CDX2: variants seen among roughly 807,000 people sequenced by gnomAD.
CDX2 encodes caudal type homeobox 2.
In CDX2, 7 loss-of-function variants were observed where a neutral mutation model predicts 25.5. The ratio of observed to expected loss-of-function variants is 0.27; its 90% confidence interval spans 0.16 to 0.52. The LOEUF is 0.52. Ranked by LOEUF, CDX2 falls within the 20% of genes least tolerant of loss-of-function variation. The pLI, the probability that CDX2 is intolerant of heterozygous loss-of-function variation, is 0.97. For synonymous variants in CDX2, 222 were observed against 198.6 expected (o/e 1.12, Z -0.99); for missense variants, 375 against 431.4 (o/e 0.87, Z 1.16).
At chr13:27,965,149 G>A (rs1593183336) in intron 1 of CDX2, 134 bp from the exon 2 acceptor site, 7 of 950,052 alleles carry the variant, frequency 7.4e-6, no homozygotes, top group African/African-American at 1.6e-5. Context: ...GCTGGTTCCT[G>A]CCAAGTCTGA....
rs1489768842 is a variant in CDX2 at position 27,961,458 on chromosome 13, C to T, written c.*1657G>A. 6.6e-6 allele frequency among the ~76,000 whole-genome samples: 1 copy of T among 152,142 alleles called. No homozygotes were observed. Among genetic ancestry groups the T allele is most frequent in the Non-Finnish European group, 1.5e-5 (1 of 68,026 alleles). Reference sequence around the variant, plus strand: ...ATCAAAAATTTTAAAGGCTGCAGCCCGGTCCCCAGTGGATCGGCCAGATAA... The same window carrying T: ...ATCAAAAATTTTAAAGGCTGCAGCCTGGTCCCCAGTGGATCGGCCAGATAA... On this transcript the variant is annotated 3_prime_UTR_variant, in exon 3 of 3. Transcript: ENST00000381020.
chr13:27,964,255 C>T lies in CDX2; in HGVS notation c.687+615G>A, dbSNP rs902786819. On this transcript the variant is annotated intron_variant, in intron 2 of 2. Coordinates refer to ENST00000381020, the MANE Select transcript of CDX2 (RefSeq NM_001265.6). The surrounding 1 kb of genome is among the most constrained non-coding windows in gnomAD (Gnocchi z 4.7). The stretch of plus-strand genomic sequence containing the variant: ...TTTCTACTAAAAATACAAAATTAGC[C>T]GGGCGTGGTGGCACATGCCTGTAGT... Among the ~76,000 whole-genome samples the T allele has an allele frequency of 3.3e-5, 5 of 152,256 alleles. No individual in the cohort carries two copies. The highest frequency in any genetic ancestry group is 3.4e-3 in the Middle Eastern group (1 of 294).
Position 27,964,366 on chromosome 13 carries a change from T to C in CDX2, c.687+504A>G, listed in dbSNP as rs566824316. ...GTGAGCTGAGACCGCGCCATTGCAC[T>C]TCAGCCTGCACAACAAGAGTGAAAC... On this transcript the variant is annotated intron_variant, in intron 2 of 2. Coordinates refer to ENST00000381020, the MANE Select transcript of CDX2 (RefSeq NM_001265.6). This position sits in a 1 kb window ranked among gnomAD's most constrained non-coding sequence, Gnocchi z 4.7. Among the ~76,000 whole-genome samples the C allele has an allele frequency of 6.6e-6, 1 of 151,966 alleles. No individual in the cohort carries two copies. Among genetic ancestry groups the C allele is most frequent in the South Asian group, 2.1e-4 (1 of 4,800 alleles).
intron 1 of CDX2, among the ~76,000 whole-genome samples, chr13:27,966,518 G>A (rs1869334300): frequency 6.6e-6 from 1 of 152,212 alleles, no homozygotes; most frequent in African/African-American, 2.4e-5. Context: ...GGACACCTCC[G>A]GAGCTGAGGC....
In CDX2 at chr13:27,964,708, TAAAAAA is replaced by T. The variant is rs55820742; in HGVS notation, c.687+156_687+161del. ...CACAAAGCAAGACCCCATCTCTGTT[TAAAAAA>T]AAAAAAAAAAAAAAAAAGGACTCCA... On this transcript the variant is annotated intron_variant, in intron 2 of 2. Transcript: ENST00000381020. This position sits in a 1 kb window ranked among gnomAD's most constrained non-coding sequence, Gnocchi z 4.7. 5.5e-5 allele frequency among the ~76,000 whole-genome samples: 7 copies of T among 127,062 alleles called. No homozygotes were observed. Among genetic ancestry groups the T allele is most frequent in the Non-Finnish European group, 4.9e-5 (3 of 61,300 alleles). 83.4% of individuals were successfully genotyped at this position (127,062 alleles called of 152,430 possible).
Position 27,963,004 on chromosome 13 carries a change from A to G in CDX2, c.*111T>C. 7.8e-7 allele frequency: 1 copy of G among 1,281,016 alleles called. No homozygotes were observed. The allele number at this position is 1,281,016 out of a possible 1,614,324, so 79.4% of individuals were successfully genotyped here. ...TTTTTCCTCTGAGAGCCAGGTCTGT[A>G]GGTCTATGGCTGTGGGTGGGAGGGG... On this transcript the variant is annotated 3_prime_UTR_variant, in exon 3 of 3. Coordinates refer to ENST00000381020, the MANE Select transcript of CDX2 (RefSeq NM_001265.6).
Position 27,964,839 on chromosome 13 carries a change from GC to G in CDX2, c.687+30del, listed in dbSNP as rs1312854798. ...TCTCATGGTCCTCTGCCAGGCAGTG[GC>G]CCGCCCGGAGGGAGCTAGGCGGTCC... On this transcript the variant is annotated intron_variant, in intron 2 of 2. Transcript: ENST00000381020. The surrounding 1 kb of genome is among the most constrained non-coding windows in gnomAD (Gnocchi z 4.7). 1.9e-6 allele frequency: 3 copies of G among 1,610,346 alleles called. No individual in the cohort carries two copies. The highest frequency in any genetic ancestry group is 3.6e-4 in the Middle Eastern group (2 of 5,630).
At position 27,964,903 on chromosome 13, in the gene CDX2, C is replaced by T. The variant is rs1869238377; in HGVS notation, c.654G>A (p.Glu218=). 1 of 1,614,082 alleles carries T rather than the reference C, an allele frequency of 6.2e-7. No individual in the cohort carries two copies. Residue 218 remains glutamate, a synonymous_variant, in exon 2 of 3, where the codon GAG becomes GAA. Transcript: ENST00000381020. The surrounding 1 kb of genome is among the most constrained non-coding windows in gnomAD (Gnocchi z 4.7). ...CAGAGAGCCCCAGCGTGGCGGCTAG[C>T]TCGGCTTTCCTCCGGATGGTGATGT... ...SRYITIRRKA[E]LAATLGLSER... is the part of the protein sequence containing the mutation.
chr13:27,967,977 C>A (rs948454847), intron 1 of CDX2, among the ~76,000 whole-genome samples: 1 of 152,160 alleles, frequency 6.6e-6, no homozygotes, highest in African/African-American at 2.4e-5. Context: ...AGCCATCCTC[C>A]GACCCCCCCA....
rs546556192 is a variant in CDX2, at chr13:27,968,768, T to C, written c.239A>G (p.Tyr80Cys). The C allele has an allele frequency of 6.0e-6, 9 of 1,508,382 alleles. No individual in the cohort carries two copies. Among genetic ancestry groups the C allele is most frequent in the Non-Finnish European group, 7.9e-6 (9 of 1,134,752 alleles). 93.4% of individuals were successfully genotyped at this position (1,508,382 alleles called of 1,614,324 possible). The part of the protein sequence containing the change: ...GAPLREDWNG[Y>C]APGGAAAAAN... ...GGCGGCCGCGGCGCCTCCGGGCGCG[T>C]AGCCATTCCAGTCCTCCCGGAGTGG... Residue 80 changes from tyrosine to cysteine, a missense_variant, in exon 1 of 3, where the codon TAC becomes TGC. Around this residue, in one of 3 missense-constraint regions of CDX2, gnomAD observed 253 missense variants for 247.5 expected, o/e 1.02. Transcript: ENST00000381020.
rs975106537 is a variant in CDX2 at position 27,968,955 on chromosome 13, C to T, written c.52G>A (p.Val18Met). The change falls in exon 1 of 3, where the codon GTG (valine) becomes ATG (methionine). Residue 18 changes from valine to methionine, a missense_variant. By Grantham distance (21) the Val-to-Met change is conservative. Around this residue, in one of 3 missense-constraint regions of CDX2, gnomAD observed 253 missense variants for 247.5 expected, o/e 1.02. Coordinates refer to ENST00000381020, the MANE Select transcript of CDX2 (RefSeq NM_001265.6). ...AGGTTGAGGCCGCCAGAGTGGCGCA[C>T]GGAGCTAGGGTACATGCTCACGTCC... ...DKDVSMYPSS[V>M]RHSGGLNLAP... The T allele has an allele frequency of 1.2e-6, 2 of 1,607,280 alleles. No homozygotes were observed. The highest frequency in any genetic ancestry group is 8.5e-7 in the Non-Finnish European group (1 of 1,179,330).
At chr13:27,966,920 C>T (rs1359936236) in intron 1 of CDX2, among the ~76,000 whole-genome samples, 4 of 151,942 alleles carry the variant, frequency 2.6e-5, no homozygotes, top group Admixed American at 6.5e-5. Context: ...GGCTCCGGCC[C>T]GCGGGCTGCG....
Position 27,968,688 on chromosome 13 carries a change from A to G in CDX2, c.319T>C (p.Tyr107His), listed in dbSNP as rs914501213. The change falls in exon 1 of 3, where the codon TAC (tyrosine) becomes CAC (histidine). Residue 107 changes from tyrosine to histidine, a missense_variant. Physicochemically the swap from Tyr to His is moderately conservative, Grantham distance 83. Around this residue, in one of 3 missense-constraint regions of CDX2, gnomAD observed 253 missense variants for 247.5 expected, o/e 1.02. Transcript: ENST00000381020. ...NGGSPAAAMG[Y>H]SSPADYHPHH... ...GGATGGTAGTCTGCGGGGCTGCTGT[A>G]GCCCATGGCTGCGGCCGGGGAGCCA... is the stretch of plus-strand genomic sequence containing the variant. 1.3e-6 allele frequency: 2 copies of G among 1,532,990 alleles called. No homozygotes were observed. The highest frequency in any genetic ancestry group is 2.8e-5 in the African/African-American group (2 of 71,816). The allele number at this position is 1,532,990 out of a possible 1,614,324, so 95.0% of individuals were successfully genotyped here. A position where few individuals can be genotyped will look rare whatever the true frequency, so the allele number is the denominator to read the frequency against.
At position 27,969,137 on chromosome 13, in the gene CDX2, G is replaced by A; in HGVS notation, c.-131C>T. The A allele has an allele frequency of 1.6e-6, 1 of 614,078 alleles. No homozygotes were observed. 38.0% of individuals were successfully genotyped at this position (614,078 alleles called of 1,614,324 possible). A position where few individuals can be genotyped will look rare whatever the true frequency, so the allele number is the denominator to read the frequency against. ...GGGTGGCTGCGCCCCAGCCCGCGGT[G>A]CTCCGCTGGCTCCTCGCGGCTCTTC... On this transcript the variant is annotated 5_prime_UTR_variant, in exon 1 of 3. Transcript: ENST00000381020.
rs909481076 is a variant in CDX2 at position 27,961,929 on chromosome 13, C to T, written c.*1186G>A. Among the ~76,000 whole-genome samples the T allele has an allele frequency of 2.6e-5, 4 of 152,074 alleles. No homozygotes were observed. The highest frequency in any genetic ancestry group is 6.5e-5 in the Admixed American group (1 of 15,282). ...GGCACCCCCAGGAGAGCCACGCATT[C>T]CAAGGCTGGGCTCAGGCTTGGGGGC... On this transcript the variant is annotated 3_prime_UTR_variant, in exon 3 of 3. Coordinates refer to ENST00000381020, the MANE Select transcript of CDX2 (RefSeq NM_001265.6).
At position 27,961,219 on chromosome 13, in the gene CDX2, A is replaced by T. The variant is rs1217161126; in HGVS notation, c.*1896T>A. ...CCCTTTCCCAATCCTGGAGCTGTAT[A>T]CGCCACCCGGAAGGGCCGCGGAATT... On this transcript the variant is annotated 3_prime_UTR_variant, in exon 3 of 3. Transcript: ENST00000381020. Among the ~76,000 whole-genome samples, 1 of 152,194 alleles carries T rather than the reference A, an allele frequency of 6.6e-6. No individual in the cohort carries two copies. The highest frequency in any genetic ancestry group is 1.5e-5 in the Non-Finnish European group (1 of 68,032).
rs1210663443 is a variant in CDX2 at position 27,969,315 on chromosome 13, T to A, written c.-309A>T. 1 of 457,604 alleles carries A rather than the reference T, an allele frequency of 2.2e-6. No homozygotes were observed. Among genetic ancestry groups the A allele is most frequent in the Non-Finnish European group, 3.9e-6 (1 of 257,026 alleles). The allele number at this position is 457,604 out of a possible 1,614,324, so 28.3% of individuals were successfully genotyped here. On this transcript the variant is annotated 5_prime_UTR_variant, in exon 1 of 3. Coordinates refer to ENST00000381020, the MANE Select transcript of CDX2 (RefSeq NM_001265.6). ...CCCCAGGCCGGCGGCCTTCCGTGATTAACGAGTGTTTACAAGACTCTATTA... is the reference window on the plus strand; with the variant it reads ...CCCCAGGCCGGCGGCCTTCCGTGATAAACGAGTGTTTACAAGACTCTATTA...
chr13:27,966,780 A>C (rs1869349448), intron 1 of CDX2, among the ~76,000 whole-genome samples: 1 of 152,144 alleles, frequency 6.6e-6, no homozygotes, highest in South Asian at 2.1e-4. Context: ...TGACTGCGAA[A>C]GTCACCACCC....
chr13:27,967,452 A>C (rs990388470), intron 1 of CDX2: 13 of 462,794 alleles, frequency 2.8e-5, no homozygotes, highest in South Asian at 2.5e-4. Context: ...GGCATCAAGG[A>C]GCGAAGCAAG....
Sources: allele counts gnomAD v4.1 joint callset (sites outside exome capture counted in the v4.1 genomes callset), GRCh38; gene constraint gnomAD v4.1.1; regional missense constraint gnomAD v4.1.1; non-coding constraint Gnocchi (gnomAD v3.1); transcripts MANE v1.5; gene names NCBI Gene and HGNC (gene_info 2026-07-23, HGNC 2026-07-21).